The following DLGAP1 variants were observed in gnomAD, a reference collection of about 807,000 sequenced individuals.
DLGAP1 encodes DLG associated protein 1.
DLGAP1 carries 11 observed loss-of-function variants against 90.8 expected under a neutral mutation model. That is an observed-to-expected ratio of 0.12 (90% CI 0.08 to 0.20). The LOEUF (loss-of-function observed/expected upper bound fraction) is 0.20, where lower values mean the gene tolerates loss of function less well. Ranked by LOEUF, DLGAP1 falls within the 10% of genes least tolerant of loss-of-function variation. DLGAP1 has a pLI of 1.00. For synonymous variants in DLGAP1, 558 were observed against 540.7 expected, an observed-to-expected ratio of 1.03 and a Z score of -0.44; for missense variants, 1,050 against 1,333.8, an observed-to-expected ratio of 0.79 and a Z score of 3.31.
intron 1 of DLGAP1, among the ~76,000 whole-genome samples, chr18:4,408,285 G>A (rs56094865): frequency 0.11 from 16,301 of 152,070 alleles, 1,302 homozygotes; most frequent in African/African-American, 0.22. Flanking sequence ...GTTGCAGGGG[G>A]TGGGAGAACA....
intron 3 of DLGAP1, among the ~76,000 whole-genome samples, chr18:3,952,487 C>T (rs1047298562): frequency 3.9e-5 from 6 of 152,198 alleles, no homozygotes; most frequent in Non-Finnish European, 7.3e-5. Context: ...CATCGGACCA[C>T]GGCAAAGGGT....
At chr18:4,384,871 G>A (rs1313274072) in intron 1 of DLGAP1, among the ~76,000 whole-genome samples, 1 of 152,040 alleles carries the variant, frequency 6.6e-6, no homozygotes, top group Non-Finnish European at 1.5e-5. Flanking sequence ...TTAGAAATTA[G>A]AATATCTTTG....
At chr18:4,403,771 TTTTTCTTGCC>T (rs1308735961) in intron 1 of DLGAP1, among the ~76,000 whole-genome samples, 12 of 152,286 alleles carry the variant, frequency 7.9e-5, no homozygotes, top group Admixed American at 4.6e-4. Context: ...TTTATTATGT[TTTTTCTTGCC>T]AAACTCCAGT....
intron 2 of DLGAP1, among the ~76,000 whole-genome samples, chr18:4,024,267 A>G (rs1052901560): frequency 1.4e-4 from 22 of 152,214 alleles, no homozygotes; most frequent in Non-Finnish European, 2.6e-4. Flanking sequence ...GATTCTCAGT[A>G]TCAGGACTTG....
In DLGAP1 at chr18:4,317,828, A is replaced by C. The variant is rs543041858; in HGVS notation, c.-267+137178T>G. The stretch of plus-strand genomic sequence containing the variant: ...AGAACAACAAGTAAAATATATAAAA[A>C]GAGCTAAAAGCTTTCCTTTTCTTTC... On this transcript the variant is annotated intron_variant, in intron 1 of 12. Transcript: ENST00000315677. Among the ~76,000 whole-genome samples the C allele has an allele frequency of 2.0e-4, 30 of 152,336 alleles. No homozygotes were observed. In the South Asian group the frequency reaches 4.1e-3, roughly 21 times the overall value.
At chr18:3,737,356 T>C (rs1260096090) in intron 6 of DLGAP1, among the ~76,000 whole-genome samples, 2 of 151,448 alleles carry the variant, frequency 1.3e-5, no homozygotes, top group Non-Finnish European at 2.9e-5. Context: ...TTGATGAACA[T>C]TGATGCAAAA....
chr18:3,916,082 T>A (rs114632498), intron 3 of DLGAP1, among the ~76,000 whole-genome samples: 1 of 152,162 alleles, frequency 6.6e-6, no homozygotes, highest in East Asian at 1.9e-4. Context: ...CCCAAGGACA[T>A]CCATAAGGCT....
At chr18:3,996,201 T>C (rs2074066807) in intron 3 of DLGAP1, among the ~76,000 whole-genome samples, 1 of 152,152 alleles carries the variant, frequency 6.6e-6, no homozygotes, top group Non-Finnish European at 1.5e-5. Context: ...TTGAAAAATA[T>C]TTTAAACAAG....
intron 1 of DLGAP1, among the ~76,000 whole-genome samples, chr18:4,193,078 T>C (rs367834155): frequency 2.0e-5 from 3 of 152,240 alleles, no homozygotes; most frequent in Non-Finnish European, 4.4e-5. Flanking sequence ...ACTGCCTGCA[T>C]TGATGAGTCA....
chr18:3,971,840 T>C (rs2073456534), intron 3 of DLGAP1, among the ~76,000 whole-genome samples: 1 of 152,218 alleles, frequency 6.6e-6, no homozygotes, highest in Non-Finnish European at 1.5e-5. Flanking sequence ...CATGGAGTTT[T>C]ATTTTAATAA....
At chr18:3,807,424 T>C (rs749941912) in intron 5 of DLGAP1, among the ~76,000 whole-genome samples, 1 of 152,202 alleles carries the variant, frequency 6.6e-6, no homozygotes, top group Non-Finnish European at 1.5e-5. Flanking sequence ...ATAGGTAACC[T>C]TAAAAAAGTT....
At chr18:3,732,875 T>C (rs2062494115) in intron 6 of DLGAP1, among the ~76,000 whole-genome samples, 1 of 152,136 alleles carries the variant, frequency 6.6e-6, no homozygotes. Context: ...GGAGATATAT[T>C]GTCATTGCTA....
intron 1 of DLGAP1, among the ~76,000 whole-genome samples, chr18:4,402,534 G>A (rs969145824): frequency 1.3e-5 from 2 of 152,166 alleles, no homozygotes; most frequent in Non-Finnish European, 1.5e-5. Context: ...TTTTACAGAT[G>A]AGAACGATTC....
intron 3 of DLGAP1, among the ~76,000 whole-genome samples, chr18:3,950,423 G>A (rs1033696649): frequency 3.9e-5 from 6 of 152,212 alleles, no homozygotes; most frequent in East Asian, 1.9e-4. Flanking sequence ...CCTAACCTCA[G>A]AAGCACATAT....
intron 1 of DLGAP1, among the ~76,000 whole-genome samples, chr18:4,343,263 T>C (rs113146282): frequency 3.5e-4 from 52 of 147,520 alleles, no homozygotes; most frequent in African/African-American, 4.0e-4. Flanking sequence ...GCTGAGATCG[T>C]GCCACTGCAC....
chr18:4,226,921 A>T (rs112127552), intron 1 of DLGAP1, among the ~76,000 whole-genome samples: 6,738 of 152,020 alleles, frequency 0.044, 183 homozygotes, highest in African/African-American at 0.056. Flanking sequence ...GAGTGACTGA[A>T]TAGATAAAAT....
chr18:3,597,689 G>C (rs966940152), intron 7 of DLGAP1: 2 of 166,026 alleles, frequency 1.2e-5, no homozygotes, highest in Non-Finnish European at 2.6e-5. Flanking sequence ...GCTTGACCTG[G>C]TACAGGAGCT....
intron 1 of DLGAP1, chr18:4,295,104 G>A (rs572046297): frequency 1.3e-5 from 2 of 152,334 alleles, no homozygotes; most frequent in Non-Finnish European, 1.5e-5. Context: ...AAACAGGAAT[G>A]CCCGTCCTGT....
intron 10 of DLGAP1, among the ~76,000 whole-genome samples, chr18:3,528,594 T>C (rs1568136433): frequency 6.6e-6 from 1 of 152,230 alleles, no homozygotes; most frequent in Non-Finnish European, 1.5e-5. Context: ...AGAGAACTGT[T>C]GTGAGGGCAA....
Sources: allele counts gnomAD v4.1 joint callset (sites outside exome capture counted in the v4.1 genomes callset), GRCh38; gene constraint gnomAD v4.1.1; transcripts MANE v1.5; gene names NCBI Gene and HGNC (gene_info 2026-07-23, HGNC 2026-07-21).